The following MYO16 variants were observed in gnomAD, a reference collection of about 807,000 sequenced individuals.
The protein encoded by MYO16 is myosin XVI, also known as unconventional myosin-XVI.
MYO16 carries 94 observed loss-of-function variants against 205.3 expected under a neutral mutation model. The ratio of observed to expected loss-of-function variants is 0.46; its 90% confidence interval spans 0.39 to 0.54. The LOEUF is 0.54. MYO16 is among the 20% of genes least tolerant of loss of function. MYO16 has a pLI of 0.00. For missense variants in MYO16, 2,315 were observed against 2,387.5 expected (o/e 0.97, Z 0.63); for synonymous variants, 988 against 954.0 (o/e 1.04, Z -0.66).
chr13:108,855,581 A>C, intron 11 of MYO16, 28 bp downstream of exon 11: 1 of 1,446,306 alleles, frequency 6.9e-7, no homozygotes, highest in Non-Finnish European at 9.6e-7. Context: ...TGCCTTTTGC[A>C]CTGTTTTTCT....
chr13:108,912,879 A>G (rs1881329153), intron 16 of MYO16, among the ~76,000 whole-genome samples: 1 of 152,116 alleles, frequency 6.6e-6, no homozygotes, highest in Admixed American at 6.6e-5. Context: ...TTGCAGACGT[A>G]TGGCCACTGA....
chr13:108,564,853 T>G, the MYO16 span, among the ~76,000 whole-genome samples: 1 of 152,330 alleles, frequency 6.6e-6, no homozygotes, highest in East Asian at 1.9e-4. Context: ...GGGTCAAGTT[T>G]CATTCTTCAT....
At chr13:108,888,286 C>T in intron 13 of MYO16, 86 bp from the exon 14 acceptor site, 2 of 904,522 alleles carry the variant, frequency 2.2e-6, no homozygotes, top group East Asian at 2.7e-5. Context: ...TTACTTGTTC[C>T]TTCAAAGTAG....
the MYO16 span, among the ~76,000 whole-genome samples, chr13:108,516,081 G>T: frequency 1.4e-4 from 20 of 148,122 alleles, no homozygotes; most frequent in Non-Finnish European, 1.1e-4. Context: ...CAGCCTCGTT[G>T]CCGCCTTGCA....
At chr13:108,504,873 C>T in the MYO16 span, among the ~76,000 whole-genome samples, 4 of 152,138 alleles carry the variant, frequency 2.6e-5, no homozygotes, top group African/African-American at 9.7e-5. Context: ...TGAGTTGACT[C>T]TTCTAGGTAC....
At chr13:108,825,449 C>A (rs1160175305) in intron 9 of MYO16, among the ~76,000 whole-genome samples, 1 of 151,840 alleles carries the variant, frequency 6.6e-6, no homozygotes, top group African/African-American at 2.4e-5. Context: ...AAAAACAAAA[C>A]AGGGCTAACG....
At chr13:108,817,263 C>A (rs2139007749) in intron 7 of MYO16, among the ~76,000 whole-genome samples, 1 of 152,162 alleles carries the variant, frequency 6.6e-6, no homozygotes, top group Non-Finnish European at 1.5e-5. Context: ...ATTCAAAGAG[C>A]CAGAAACAAA....
At chr13:108,753,189 G>A (rs1175926715) in intron 4 of MYO16, among the ~76,000 whole-genome samples, 1 of 151,666 alleles carries the variant, frequency 6.6e-6, no homozygotes, top group Non-Finnish European at 1.5e-5. Context: ...CCAACACAGT[G>A]AAACCCTGTC....
intron 30 of MYO16, among the ~76,000 whole-genome samples, chr13:109,126,101 T>G (rs1367953126): frequency 2.0e-5 from 3 of 152,188 alleles, no homozygotes; most frequent in Non-Finnish European, 4.4e-5. Flanking sequence ...TAATATCTTG[T>G]TGTTTCTCAC....
chr13:109,084,386 T>C (rs1445266474), intron 27 of MYO16, among the ~76,000 whole-genome samples: 1 of 152,142 alleles, frequency 6.6e-6, no homozygotes, highest in Non-Finnish European at 1.5e-5. Flanking sequence ...ACCTCAGAGA[T>C]GGTGACCAGG....
chr13:109,182,060 C>T lies in MYO16; in HGVS notation c.5415+2427C>T, dbSNP rs540186717. Among the ~76,000 whole-genome samples, 215 of 152,138 alleles carry T rather than the reference C, an allele frequency of 1.4e-3. 2 individuals carry two copies. Among genetic ancestry groups the T allele is most frequent in the African/African-American group, 4.7e-3 (197 of 41,508 alleles). On this transcript the variant is annotated intron_variant, in intron 34 of 34. Transcript: ENST00000457511. Reference sequence around the variant, plus strand: ...TCTCAAACTCCTGACCTCAGTGATCCGTCCGCCTCGGCCTCCCAAAGTGCT... The same window carrying T: ...TCTCAAACTCCTGACCTCAGTGATCTGTCCGCCTCGGCCTCCCAAAGTGCT...
At chr13:108,747,420 T>C (rs1885100505) in intron 4 of MYO16, among the ~76,000 whole-genome samples, 1 of 152,160 alleles carries the variant, frequency 6.6e-6, no homozygotes, top group South Asian at 2.1e-4. Context: ...TGCTGTCTTA[T>C]AAGATACCTG....
At chr13:108,767,005 G>A (rs1302623804) in intron 4 of MYO16, among the ~76,000 whole-genome samples, 1 of 152,158 alleles carries the variant, frequency 6.6e-6, no homozygotes. Flanking sequence ...TACATGTTTT[G>A]AAGATGTCTT....
chr13:108,731,122 T>C (rs957376654), intron 4 of MYO16, among the ~76,000 whole-genome samples: 1 of 152,190 alleles, frequency 6.6e-6, no homozygotes, highest in East Asian at 1.9e-4. Context: ...TTGATGTATA[T>C]TCAGTAATTC....
chr13:108,636,999 G>C (rs1186811400), intron 1 of MYO16, among the ~76,000 whole-genome samples: 1 of 152,142 alleles, frequency 6.6e-6, no homozygotes, highest in East Asian at 1.9e-4. Context: ...CAAATATGCT[G>C]CTAAGGGAAA....
At chr13:109,117,400 A>G (rs2391724) in intron 28 of MYO16, among the ~76,000 whole-genome samples, 30,519 of 144,664 alleles carry the variant, frequency 0.21, 3,340 homozygotes, top group South Asian at 0.25. Context: ...GTATATATGT[A>G]TATATATATG....
intron 12 of MYO16, 123 bp from the exon 13 acceptor site, chr13:108,882,936 G>A (rs537051323): frequency 3.0e-6 from 4 of 1,326,214 alleles, no homozygotes; most frequent in Middle Eastern, 2.8e-4. Flanking sequence ...ACATACCAAT[G>A]AGATTCAGAA....
the MYO16 span, among the ~76,000 whole-genome samples, chr13:108,588,268 A>G: frequency 1.3e-5 from 2 of 152,144 alleles, no homozygotes; most frequent in African/African-American, 2.4e-5. Flanking sequence ...AACGCTGCCT[A>G]TGTGGGAAAG....
intron 12 of MYO16, among the ~76,000 whole-genome samples, chr13:108,879,162 G>A (rs923660528): frequency 3.3e-5 from 5 of 152,162 alleles, no homozygotes; most frequent in African/African-American, 1.2e-4. Context: ...CTAACAGCAA[G>A]GATTGGTTAC....
Sources: gnomAD v4.1 joint callset for allele counts (sites outside exome capture counted in the v4.1 genomes callset) on GRCh38, gnomAD v4.1.1 for gene constraint, MANE v1.5 for transcripts, NCBI Gene and HGNC (gene_info 2026-07-23, HGNC 2026-07-21) for gene names.